Variants in SSBP2 observed in about 807,000 individuals in gnomAD.
SSBP2 encodes single-stranded DNA-binding protein 2.
SSBP2 carries 17 observed loss-of-function variants against 61.8 expected under a neutral mutation model. The observed-to-expected ratio is 0.28, with a 90% CI of 0.19 to 0.41. The LOEUF (loss-of-function observed/expected upper bound fraction) is 0.41. Among genes scored for constraint, SSBP2 ranks in the 10% least tolerant of loss-of-function variants. The pLI is 1.00. For synonymous variants in SSBP2, 139 were observed against 141.3 expected, an observed-to-expected ratio of 0.98 and a Z score of 0.12; for missense variants, 310 against 458.7, an observed-to-expected ratio of 0.68 and a Z score of 2.96.
intron 15 of SSBP2, among the ~76,000 whole-genome samples, chr5:81,433,134 A>T (rs1438034273): frequency 1.3e-5 from 2 of 152,102 alleles, no homozygotes; most frequent in Admixed American, 1.3e-4. Flanking sequence ...AGAACGGGCC[A>T]TGATGACAAT....
intron 12 of SSBP2, 60 bp from the exon 13 acceptor site, chr5:81,442,783 A>G: frequency 1.1e-6 from 1 of 871,392 alleles, no homozygotes; most frequent in South Asian, 1.7e-5. Context: ...AATTCATCAC[A>G]AAGTAATGAT....
intron 5 of SSBP2, among the ~76,000 whole-genome samples, chr5:81,507,047 C>T (rs572441905): frequency 2.6e-5 from 4 of 151,584 alleles, no homozygotes; most frequent in East Asian, 3.9e-4. Context: ...TTTCTTATTG[C>T]GTTATTACTA....
In SSBP2 at chr5:81,746,576, G is replaced by A. The variant is rs1296697694; in HGVS notation, c.62+4405C>T. ...TAGAAGGGGAGAACAAGGTGATGCT[G>A]GCAGATATTAATCCCTTTTATATGA... On this transcript the variant is annotated intron_variant, in intron 1 of 16. Transcript: ENST00000320672. Among the ~76,000 whole-genome samples, 8 of 152,116 alleles carry A rather than the reference G, an allele frequency of 5.3e-5. No individual in the cohort carries two copies. The East Asian group carries it at 1.5e-3, about 29-fold the overall frequency.
chr5:81,499,754 T>C (rs1054009740), intron 5 of SSBP2, among the ~76,000 whole-genome samples: 3 of 152,170 alleles, frequency 2.0e-5, no homozygotes, highest in Non-Finnish European at 2.9e-5. Flanking sequence ...GCTAAAACAA[T>C]AATTTTTAAA....
chr5:81,720,100 C>T (rs1232895176), intron 1 of SSBP2, among the ~76,000 whole-genome samples: 1 of 152,104 alleles, frequency 6.6e-6, no homozygotes, highest in Non-Finnish European at 1.5e-5. Flanking sequence ...TCATAAAATA[C>T]AGAAAATAAA....
At chr5:81,738,756 G>A (rs764118982) in intron 1 of SSBP2, among the ~76,000 whole-genome samples, 1 of 152,110 alleles carries the variant, frequency 6.6e-6, no homozygotes, top group Non-Finnish European at 1.5e-5. Flanking sequence ...CATTTGTATT[G>A]TTATAGCAAT....
At chr5:81,495,627 G>C (rs1382613617) in intron 5 of SSBP2, among the ~76,000 whole-genome samples, 1 of 152,114 alleles carries the variant, frequency 6.6e-6, no homozygotes, top group Non-Finnish European at 1.5e-5. Context: ...GTACTTTAGA[G>C]GAAAGAATAC....
At chr5:81,457,976 T>TA (rs1764279749) in intron 10 of SSBP2, among the ~76,000 whole-genome samples, 1 of 152,104 alleles carries the variant, frequency 6.6e-6, no homozygotes, top group Non-Finnish European at 1.5e-5. Context: ...ACCACAAAAT[T>TA]ACTTCTGTAG....
chr5:81,716,763 A>G (rs1468194077), intron 1 of SSBP2, among the ~76,000 whole-genome samples: 2 of 152,226 alleles, frequency 1.3e-5, no homozygotes, highest in African/African-American at 4.8e-5. Flanking sequence ...ACTACCTAAC[A>G]TAATGCCTTA....
At position 81,583,903 on chromosome 5, in the gene SSBP2, C is replaced by T. The variant is rs191563954; in HGVS notation, c.282+31570G>A. Among the ~76,000 whole-genome samples the T allele has an allele frequency of 2.9e-3, 445 of 152,254 alleles. 1 individual carries two copies. The highest frequency in any genetic ancestry group is 3.2e-3 in the Non-Finnish European group (217 of 68,004). On this transcript the variant is annotated intron_variant, in intron 4 of 16. Coordinates refer to ENST00000320672, the MANE Select transcript of SSBP2 (RefSeq NM_012446.5). ...ACCTTCATCAAATGTAGTTTTCCAA[C>T]TAGTGTTAATACCCTAGATGTTAAA...
At chr5:81,695,101 GA>G (rs1236534208) in intron 1 of SSBP2, among the ~76,000 whole-genome samples, 1 of 152,092 alleles carries the variant, frequency 6.6e-6, no homozygotes, top group African/African-American at 2.4e-5. Flanking sequence ...AAATAATCAG[GA>G]AAATACTGAT....
At chr5:81,444,250 C>A (rs1333103675) in intron 12 of SSBP2, among the ~76,000 whole-genome samples, 3 of 152,180 alleles carry the variant, frequency 2.0e-5, no homozygotes. Flanking sequence ...GTATGCTATA[C>A]TCCTGTCAAC....
chr5:81,726,441 A>C (rs1308158997), intron 1 of SSBP2, among the ~76,000 whole-genome samples: 2 of 152,136 alleles, frequency 1.3e-5, no homozygotes, highest in African/African-American at 4.8e-5. Context: ...AAGCTCACAA[A>C]CCGGCAAGTG....
At chr5:81,601,566 T>C (rs556191280) in intron 4 of SSBP2, among the ~76,000 whole-genome samples, 2 of 152,322 alleles carry the variant, frequency 1.3e-5, no homozygotes, top group South Asian at 4.1e-4. Flanking sequence ...AAAAGGTACA[T>C]GAGATCTCTC....
At chr5:81,666,567 A>C (rs549383042) in intron 1 of SSBP2, among the ~76,000 whole-genome samples, 1 of 152,338 alleles carries the variant, frequency 6.6e-6, no homozygotes, top group South Asian at 2.1e-4. Flanking sequence ...TGGAGAACTG[A>C]AAAGGGCAAA....
chr5:81,561,019 C>T (rs557674733), intron 4 of SSBP2, among the ~76,000 whole-genome samples: 36 of 152,250 alleles, frequency 2.4e-4, no homozygotes, highest in African/African-American at 7.9e-4. Flanking sequence ...TTAACACTAT[C>T]CTATGATCAT....
rs893209583 is a variant in SSBP2, at chr5:81,439,438, T to C, written c.928+1120A>G. Among the ~76,000 whole-genome samples the C allele has an allele frequency of 2.0e-5, 3 of 152,246 alleles. No individual in the cohort carries two copies. In the East Asian group the frequency reaches 5.8e-4, roughly 29 times the overall value. ...TGTATTTCTCACTATTGTTAAAATT[T>C]TCATTCACCTTGCAGCTATTTAGCT... On this transcript the variant is annotated intron_variant, in intron 14 of 16. Coordinates refer to ENST00000320672, the MANE Select transcript of SSBP2 (RefSeq NM_012446.5).
intron 15 of SSBP2, among the ~76,000 whole-genome samples, chr5:81,432,554 G>T (rs1289690461): frequency 6.6e-6 from 1 of 152,132 alleles, no homozygotes; most frequent in African/African-American, 2.4e-5. Context: ...AGACTAGCCT[G>T]GCCAGCCTGG....
intron 3 of SSBP2, among the ~76,000 whole-genome samples, chr5:81,620,491 G>A (rs551535041): frequency 9.4e-4 from 140 of 149,020 alleles, no homozygotes; most frequent in African/African-American, 3.2e-3. Context: ...CATGCTCATG[G>A]GTAGGAAGAA....
Sources: allele counts gnomAD v4.1 joint callset (sites outside exome capture counted in the v4.1 genomes callset), GRCh38; gene constraint gnomAD v4.1.1; transcripts MANE v1.5; gene names NCBI Gene and HGNC (gene_info 2026-07-23, HGNC 2026-07-21).